Variants in DMD observed in about 807,000 individuals in gnomAD.
DMD encodes dystrophin.
In DMD, 63 loss-of-function variants were observed where a neutral mutation model predicts 330.1. The observed-to-expected ratio is 0.19, with a 90% CI of 0.16 to 0.24. DMD has a LOEUF of 0.24. DMD is among the 10% of genes least tolerant of loss of function. The probability of loss-of-function intolerance (pLI) is 1.00; values close to 1 mark genes in which losing one functional copy is unlikely to be tolerated. For missense variants in DMD, 3,344 were observed against 2,684.1 expected (o/e 1.25, Z -5.43); for synonymous variants, 1,223 against 959.8 (o/e 1.27, Z -5.07).
chrX:31,788,908 C>A (rs181594842), intron 50 of DMD, among the ~76,000 whole-genome samples: 1 of 109,686 alleles, frequency 9.1e-6, no homozygotes, highest in East Asian at 2.9e-4. Context: ...TTTTGGTTTC[C>A]ATTTGCATGG....
chrX:32,734,003 A>T (rs370038085), intron 7 of DMD, among the ~76,000 whole-genome samples: 32 of 106,339 alleles, frequency 3.0e-4, no homozygotes, highest in East Asian at 8.9e-4. Context: ...TCAACAAAAT[A>T]GATAGACTGC....
intron 44 of DMD, among the ~76,000 whole-genome samples, chrX:32,121,642 TA>T (rs2096636160): frequency 1.2e-5 from 1 of 80,119 alleles, no homozygotes; most frequent in Admixed American, 1.3e-4. Flanking sequence ...TATATATATA[TA>T]TATATATATA....
At chrX:32,797,230 C>A (rs1022344494) in intron 7 of DMD, among the ~76,000 whole-genome samples, 4 of 111,516 alleles carry the variant, frequency 3.6e-5, no homozygotes, top group Non-Finnish European at 1.9e-5. Flanking sequence ...TAAAGCAATT[C>A]TCCTGCCTTG....
chrX:31,266,225 T>G (rs908346821), intron 62 of DMD, among the ~76,000 whole-genome samples: 2 of 93,786 alleles, frequency 2.1e-5, no homozygotes, highest in Non-Finnish European at 4.2e-5. Context: ...AATCTTTGAC[T>G]TCTGGGCTTT....
chrX:33,022,163 G>A (rs1329423303), intron 1 of DMD, among the ~76,000 whole-genome samples: 1 of 111,368 alleles, frequency 9.0e-6, no homozygotes, highest in East Asian at 2.8e-4. Flanking sequence ...GAGAGTAAAT[G>A]AGTCAGTTGA....
At chrX:33,312,413 A>G (rs1340382011) in intron 1 of DMD, among the ~76,000 whole-genome samples, 1 of 111,560 alleles carries the variant, frequency 9.0e-6, no homozygotes, top group Non-Finnish European at 1.9e-5. Context: ...ACAACTGTAT[A>G]TAGTTGGGAG....
At chrX:33,290,009 A>T (rs1199668142) in intron 1 of DMD, among the ~76,000 whole-genome samples, 1 of 111,686 alleles carries the variant, frequency 9.0e-6, no homozygotes, top group Non-Finnish European at 1.9e-5. Flanking sequence ...AAAAAACAAA[A>T]GAAAACAAAA....
rs1348943032 is a variant in DMD at position 31,253,165 on chromosome X, C to A, written c.9286+7790G>T. Among the ~76,000 whole-genome samples the A allele has an allele frequency of 6.3e-5, 7 of 111,717 alleles. No homozygotes were observed. The Admixed American group carries it at 6.7e-4, about 11-fold the overall frequency. ...TTAATGATGAAAGATCACTGGCCAA[C>A]ATGACATATAAGAAAATGAAGACCA... On this transcript the variant is annotated intron_variant, in intron 63 of 78. Coordinates refer to ENST00000357033, the MANE Select transcript of DMD (RefSeq NM_004006.3).
intron 45 of DMD, among the ~76,000 whole-genome samples, chrX:31,938,745 G>A (rs145818719): frequency 0.015 from 1,717 of 111,856 alleles, 28 homozygotes; most frequent in Middle Eastern, 0.028. Flanking sequence ...GTTATGTAAA[G>A]ACAGCTTTAT....
intron 55 of DMD, among the ~76,000 whole-genome samples, chrX:31,527,831 T>C (rs944960742): frequency 2.7e-5 from 3 of 111,822 alleles, no homozygotes; most frequent in African/African-American, 9.8e-5. Context: ...ATCAGTTCTA[T>C]ATAGTTTTAG....
chrX:32,732,407 G>C (rs1016419584), intron 7 of DMD, among the ~76,000 whole-genome samples: 9 of 110,421 alleles, frequency 8.2e-5, no homozygotes, highest in African/African-American at 2.7e-4. Flanking sequence ...AGGAAATACA[G>C]AGAATGCCAC....
At chrX:32,535,031 T>G (rs2047826890) in intron 17 of DMD, among the ~76,000 whole-genome samples, 1 of 111,570 alleles carries the variant, frequency 9.0e-6, no homozygotes, top group South Asian at 3.8e-4. Context: ...AATTAATAAT[T>G]GGAAACTCAA....
chrX:31,173,860 G>A (rs182708706), intron 71 of DMD, among the ~76,000 whole-genome samples: 9 of 111,848 alleles, frequency 8.0e-5, no homozygotes, highest in East Asian at 2.8e-4. Context: ...AATTCCCATC[G>A]TAGAAAAGGT....
At chrX:32,510,185 A>T (rs2045135614) in intron 18 of DMD, among the ~76,000 whole-genome samples, 1 of 111,476 alleles carries the variant, frequency 9.0e-6, no homozygotes, top group Non-Finnish European at 1.9e-5. Context: ...AACTTCCTTA[A>T]CCTTTCTGAA....
chrX:31,940,615 C>A (rs960460113), intron 45 of DMD, among the ~76,000 whole-genome samples: 6 of 110,963 alleles, frequency 5.4e-5, no homozygotes, highest in African/African-American at 2.0e-4. Flanking sequence ...TACTTGTTGA[C>A]CAGAAAATTT....
intron 47 of DMD, among the ~76,000 whole-genome samples, chrX:31,914,270 C>T (rs1194912192): frequency 9.0e-6 from 1 of 111,448 alleles, no homozygotes. Context: ...GAAAACCTTG[C>T]ACACTGTTGG....
chrX:31,286,524 T>C (rs992580827), intron 62 of DMD, among the ~76,000 whole-genome samples: 5 of 112,072 alleles, frequency 4.5e-5, no homozygotes, highest in African/African-American at 1.3e-4. Flanking sequence ...ATGGAACAAG[T>C]GAATGAGTAA....
intron 43 of DMD, among the ~76,000 whole-genome samples, chrX:32,218,045 GAAT>G (rs1175437482): frequency 9.0e-6 from 1 of 111,623 alleles, no homozygotes; most frequent in Non-Finnish European, 1.9e-5. Context: ...CACATGGAAA[GAAT>G]ATTAGGAAAC....
At chrX:31,408,642 G>A (rs1403752939) in intron 60 of DMD, among the ~76,000 whole-genome samples, 1 of 108,067 alleles carries the variant, frequency 9.3e-6, no homozygotes, top group Non-Finnish European at 1.9e-5. Context: ...CAAGTGATCC[G>A]CCTGCCTCGG....
Sources: gnomAD v4.1 joint callset for allele counts (sites outside exome capture counted in the v4.1 genomes callset) on GRCh38, gnomAD v4.1.1 for gene constraint, MANE v1.5 for transcripts, NCBI Gene and HGNC (gene_info 2026-07-23, HGNC 2026-07-21) for gene names.